LIMA1: variants seen among roughly 807,000 people sequenced by gnomAD.
The protein encoded by LIMA1 is LIM domain and actin binding 1.
A neutral mutation model predicts 62.6 loss-of-function variants in LIMA1; 52 were observed. The observed-to-expected ratio is 0.83, with a 90% CI of 0.67 to 1.05. The LOEUF (loss-of-function observed/expected upper bound fraction) is 1.05, where lower values mean the gene tolerates loss of function less well. Ranked by LOEUF, LIMA1 falls within the 50% of genes least tolerant of loss-of-function variation. The pLI is 0.00. For synonymous variants in LIMA1, 302 were observed against 317.8 expected, an observed-to-expected ratio of 0.95 and a Z score of 0.53; for missense variants, 780 against 902.2, an observed-to-expected ratio of 0.86 and a Z score of 1.74.
At chr12:50,193,164 A>G (rs954817526) in intron 8 of LIMA1, among the ~76,000 whole-genome samples, 20 of 152,218 alleles carry the variant, frequency 1.3e-4, no homozygotes, top group African/African-American at 4.6e-4. Context: ...GCCAAAATGA[A>G]GAGGTGAGTC....
intron 1 of LIMA1, among the ~76,000 whole-genome samples, chr12:50,255,169 T>G (rs2138657021): frequency 6.6e-6 from 1 of 152,296 alleles, no homozygotes; most frequent in South Asian, 2.1e-4. Context: ...TCTCTTTTTT[T>G]TCTCCTGAGA....
At chr12:50,246,615 A>G (rs960700125) in intron 2 of LIMA1, among the ~76,000 whole-genome samples, 4 of 152,096 alleles carry the variant, frequency 2.6e-5, no homozygotes, top group Middle Eastern at 3.2e-3. Flanking sequence ...CCACATGAAA[A>G]CCAATTGCGT....
intron 5 of LIMA1, among the ~76,000 whole-genome samples, chr12:50,205,249 T>C (rs976288592): frequency 4.0e-5 from 6 of 151,624 alleles, no homozygotes; most frequent in Non-Finnish European, 8.8e-5. Context: ...GGCTTTTTTT[T>C]TTTTTTTCTG....
At chr12:50,274,575 C>A (rs143837481) in intron 1 of LIMA1, among the ~76,000 whole-genome samples, 3,485 of 151,088 alleles carry the variant, frequency 0.023, 128 homozygotes, top group African/African-American at 0.081. Context: ...GAGTGAGGCT[C>A]CATCTCAAAA....
chr12:50,234,884 G>A (rs955218501), intron 2 of LIMA1, among the ~76,000 whole-genome samples: 11 of 151,958 alleles, frequency 7.2e-5, no homozygotes, highest in South Asian at 6.2e-4. Context: ...TGTGGTGCAC[G>A]CCTGCAGTCC....
rs754908993 is a variant in LIMA1, at chr12:50,182,029, C to T, written c.1149G>A (p.Gln383=). The part of the protein sequence containing the change: ...SSPPKAMKKF[Q]APARETCVEC... Reference sequence around the variant, plus strand: ...CCACGCAGGTCTCTCTTGCAGGTGCCTGAAACTTCTAGGAAAAACAAAAAG... The same window carrying T: ...CCACGCAGGTCTCTCTTGCAGGTGCTTGAAACTTCTAGGAAAAACAAAAAG... Residue 383 remains glutamine (Q), a synonymous_variant, in exon 10 of 11, where the codon CAG becomes CAA. Coordinates refer to ENST00000341247, the MANE Select transcript of LIMA1 (RefSeq NM_016357.5). The T allele has an allele frequency of 1.2e-6, 2 of 1,612,560 alleles. No individual in the cohort carries two copies. The highest frequency in any genetic ancestry group is 2.2e-5 in the South Asian group (2 of 91,006).
chr12:50,214,023 A>ACC (rs1293074519), intron 4 of LIMA1, among the ~76,000 whole-genome samples: 19 of 55,606 alleles, frequency 3.4e-4, no homozygotes, highest in African/African-American at 2.8e-3. Flanking sequence ...TTATTATCTT[A>ACC]CCACACACAC....
intron 9 of LIMA1, chr12:50,186,618 A>G (rs1449008432): frequency 1.3e-5 from 2 of 152,304 alleles, no homozygotes; most frequent in Non-Finnish European, 2.9e-5. Flanking sequence ...AAGAAAGTCA[A>G]GCGTGACTAG....
At chr12:50,253,696 C>T (rs1941957951) in intron 1 of LIMA1, among the ~76,000 whole-genome samples, 1 of 152,140 alleles carries the variant, frequency 6.6e-6, no homozygotes, top group Admixed American at 6.5e-5. Context: ...GAATACCCTC[C>T]ATTGTAGTAA....
At chr12:50,217,312 C>G (rs1941360309) in intron 4 of LIMA1, among the ~76,000 whole-genome samples, 1 of 151,960 alleles carries the variant, frequency 6.6e-6, no homozygotes, top group African/African-American at 2.4e-5. Context: ...GTGTTTCTCT[C>G]CAGACTGAGA....
intron 1 of LIMA1, among the ~76,000 whole-genome samples, chr12:50,272,091 T>C (rs1029786773): frequency 6.6e-6 from 1 of 152,186 alleles, no homozygotes; most frequent in African/African-American, 2.4e-5. Flanking sequence ...ACAGGGCTTC[T>C]TAGTTTCACT....
At chr12:50,234,166 T>G in intron 2 of LIMA1, 1 of 454,158 alleles carries the variant, frequency 2.2e-6, no homozygotes, top group South Asian at 1.7e-5. Flanking sequence ...TCCGGAGATT[T>G]GTGCAGGTAC....
At chr12:50,186,135 C>T (rs1417900094) in intron 9 of LIMA1, 1 of 152,348 alleles carries the variant, frequency 6.6e-6, no homozygotes, top group African/African-American at 2.4e-5. Context: ...AAATCTCTAC[C>T]ATTATCACAG....
At chr12:50,263,372 T>C (rs896404582) in intron 1 of LIMA1, among the ~76,000 whole-genome samples, 1 of 152,168 alleles carries the variant, frequency 6.6e-6, no homozygotes, top group Non-Finnish European at 1.5e-5. Context: ...TCTTTCTTCT[T>C]GTGCAAAATG....
intron 10 of LIMA1, among the ~76,000 whole-genome samples, chr12:50,178,450 A>T (rs1462895594): frequency 1.3e-5 from 2 of 151,478 alleles, no homozygotes; most frequent in African/African-American, 4.8e-5. Context: ...GGGAAGCTGA[A>T]GTGGGAGAAT....
intron 8 of LIMA1, among the ~76,000 whole-genome samples, chr12:50,193,130 T>C (rs1211208963): frequency 6.6e-6 from 1 of 152,132 alleles, no homozygotes; most frequent in Non-Finnish European, 1.5e-5. Context: ...TCATTGAAAT[T>C]CCAACTACAT....
chr12:50,195,717 T>C, intron 8 of LIMA1, 113 bp downstream of exon 8: 2 of 1,025,494 alleles, frequency 2.0e-6, no homozygotes, highest in Admixed American at 2.6e-5. Flanking sequence ...TAAATTCAAG[T>C]AGAGGATTTA....
intron 1 of LIMA1, among the ~76,000 whole-genome samples, chr12:50,255,115 A>T (rs1313276032): frequency 6.6e-6 from 1 of 151,828 alleles, no homozygotes. Flanking sequence ...TCCCCAAGCC[A>T]CTAATAAAAT....
chr12:50,242,253 T>C (rs1941788626), intron 2 of LIMA1, among the ~76,000 whole-genome samples: 1 of 151,996 alleles, frequency 6.6e-6, no homozygotes, highest in African/African-American at 2.4e-5. Context: ...ACCACTAAAA[T>C]GTTACAGAGA....
Sources: gnomAD v4.1 joint callset for allele counts (sites outside exome capture counted in the v4.1 genomes callset) on GRCh38, gnomAD v4.1.1 for gene constraint, MANE v1.5 for transcripts, NCBI Gene and HGNC (gene_info 2026-07-23, HGNC 2026-07-21) for gene names.